The following ITGA5 variants were observed in gnomAD, a reference collection of about 807,000 sequenced individuals.
ITGA5 encodes integrin subunit alpha 5.
Under a neutral mutation model 146.3 loss-of-function variants are expected in ITGA5, and 55 were observed. That is an observed-to-expected ratio of 0.38 (90% CI 0.30 to 0.47). The LOEUF (loss-of-function observed/expected upper bound fraction) is 0.47. Among genes scored for constraint, ITGA5 ranks in the 20% least tolerant of loss-of-function variants. The pLI, the probability that ITGA5 is intolerant of heterozygous loss-of-function variation, is 0.99. For missense variants in ITGA5, 1,131 were observed against 1,329.0 expected (o/e 0.85, Z 2.32); for synonymous variants, 500 against 531.8 (o/e 0.94, Z 0.82).
chr12:54,397,400 G>C lies in ITGA5; in HGVS notation c.3031C>G (p.Leu1011Val). 1 of 1,614,140 alleles carries C rather than the reference G, an allele frequency of 6.2e-7. No individual in the cohort carries two copies. The highest frequency in any genetic ancestry group is 1.1e-5 in the South Asian group (1 of 91,084). The part of the protein sequence containing the change: ...IIILAILFGL[L>V]LLGLLIYILY... ...ATGTAGATGAGTAGACCTAGGAGCA[G>C]GAGGCCAAACAGGATGGCTAGGATG... Residue 1011 changes from leucine (L) to valine (V), a missense_variant, in exon 29 of 30, where the codon CTG becomes GTG. Leu to Val is a conservative substitution (Grantham distance 32, BLOSUM62 1). Transcript: ENST00000293379.
At position 54,403,189 on chromosome 12, in the gene ITGA5, T is replaced by C. The variant is rs138386543; in HGVS notation, c.1912A>G (p.Lys638Glu). Residue 638 changes from lysine (K) to glutamate (E), a missense_variant and splice_region_variant, in exon 18 of 30, where the codon AAG (lysine) becomes GAG (glutamate). Physicochemically the swap from Lys to Glu is moderately conservative, Grantham distance 56. This residue lies in a region of ITGA5 where 889 missense variants were observed against 1,021.5 expected (regional missense o/e 0.87). Transcript: ENST00000293379. This position sits in a 1 kb window ranked among gnomAD's most constrained non-coding sequence, Gnocchi z 4.9. ...CCTTCTCCCTGCCCTGTCCTCACCT[T>C]GTCCTCTATCCGGCTCTTGCTCTGA... ...HYQSKSRIED[K>E]AQILLDCGED... 2.4e-5 allele frequency: 38 copies of C among 1,563,022 alleles called. No individual in the cohort carries two copies. Among genetic ancestry groups the C allele is most frequent in the African/African-American group, 6.9e-5 (5 of 72,896 alleles).
rs1001132557 is a variant in ITGA5, at chr12:54,416,227, G to T, written c.218+2754C>A. Among the ~76,000 whole-genome samples the T allele has an allele frequency of 6.6e-6, 1 of 152,114 alleles. No homozygotes were observed. The highest frequency in any genetic ancestry group is 2.4e-5 in the African/African-American group (1 of 41,410). On this transcript the variant is annotated intron_variant, in intron 1 of 29. Coordinates refer to ENST00000293379, the MANE Select transcript of ITGA5 (RefSeq NM_002205.5). The surrounding 1 kb of genome is among the most constrained non-coding windows in gnomAD (Gnocchi z 4.1). ...TGGGATTACAGGTGCGTGCCAGCAC[G>T]CTCGGCTAATTTTTTTATTTTTAGT...
At chr12:54,398,461 C>T (rs1161161641) in intron 28 of ITGA5, 136 bp downstream of exon 28, 4 of 617,756 alleles carry the variant, frequency 6.5e-6, no homozygotes, top group Non-Finnish European at 1.1e-5. Context: ...TCTCTGGCAT[C>T]TGCACAGTGC....
At position 54,403,990 on chromosome 12, in the gene ITGA5, C is replaced by T; in HGVS notation, c.1566-24G>A. 2.5e-6 allele frequency: 4 copies of T among 1,613,280 alleles called. No homozygotes were observed. The highest frequency in any genetic ancestry group is 3.4e-6 in the Non-Finnish European group (4 of 1,179,256). On this transcript the variant is annotated intron_variant, in intron 15 of 29. Transcript: ENST00000293379. The surrounding 1 kb of genome is among the most constrained non-coding windows in gnomAD (Gnocchi z 4.9). ...TGCTGGAGAGAGACCAAGAAGAAAG[C>T]TGGTGAATCCAACTGGAACAGACAT...
In ITGA5 at chr12:54,401,673, A is replaced by T. The variant is rs770443167; in HGVS notation, c.2307-8T>A. ...GAGTTGTTGAGATTCTTGCTGTGGGATGGAGGCAAGACTGAGGTGCTGGAG... is the reference window on the plus strand; with the variant it reads ...GAGTTGTTGAGATTCTTGCTGTGGGTTGGAGGCAAGACTGAGGTGCTGGAG... On this transcript the variant is annotated splice_polypyrimidine_tract_variant and splice_region_variant and intron_variant, in intron 22 of 29. Coordinates refer to ENST00000293379, the MANE Select transcript of ITGA5 (RefSeq NM_002205.5). This position sits in a 1 kb window ranked among gnomAD's most constrained non-coding sequence, Gnocchi z 5.0. The T allele has an allele frequency of 6.2e-7, 1 of 1,614,070 alleles. No individual in the cohort carries two copies. Among genetic ancestry groups the T allele is most frequent in the South Asian group, 1.1e-5 (1 of 91,076 alleles).
rs1411964671 is a variant in ITGA5, at chr12:54,409,872, T to G, written c.350-275A>C. 3.4e-6 allele frequency: 1 copy of G among 293,670 alleles called. No homozygotes were observed. The highest frequency in any genetic ancestry group is 6.4e-6 in the Non-Finnish European group (1 of 155,372). 18.2% of individuals were successfully genotyped at this position (293,670 alleles called of 1,614,324 possible). A position where few individuals can be genotyped will look rare whatever the true frequency, so the allele number is the denominator to read the frequency against. ...CACAGAACCTGGGCTTTCTTTTTTT[T>G]TTGAGATGGAGTCTCACTCTGTCAC... is the stretch of plus-strand genomic sequence containing the variant. On this transcript the variant is annotated intron_variant, in intron 2 of 29. Coordinates refer to ENST00000293379, the MANE Select transcript of ITGA5 (RefSeq NM_002205.5). The surrounding 1 kb of genome is among the most constrained non-coding windows in gnomAD (Gnocchi z 4.7).
intron 10 of ITGA5, 76 bp from the exon 11 acceptor site, chr12:54,405,792 T>C (rs1592288785): frequency 6.2e-7 from 1 of 1,601,156 alleles, no homozygotes; most frequent in East Asian, 2.2e-5. Flanking sequence ...GCTGGGAAGT[T>C]GGGCTGACAT....
Position 54,404,841 on chromosome 12 carries a change from C to T in ITGA5, c.1279G>A (p.Val427Ile), listed in dbSNP as rs200940770. 3.7e-5 allele frequency: 60 copies of T among 1,611,312 alleles called. No individual in the cohort carries two copies. Among genetic ancestry groups the T allele is most frequent in the East Asian group, 1.3e-4 (6 of 44,860 alleles). Residue 427 changes from valine to isoleucine, a missense_variant, in exon 13 of 30, where the codon GTA becomes ATA. Val to Ile is a conservative substitution (Grantham distance 29, BLOSUM62 3). Around this residue, in one of 3 missense-constraint regions of ITGA5, gnomAD observed 889 missense variants for 1,021.5 expected, o/e 0.87. Transcript: ENST00000293379. ...AGCCCTCCTGGGCCCCCAGGAAATACAAACACTACTCCCTGCTGGGTCTCC... is the reference window on the plus strand; with the variant it reads ...AGCCCTCCTGGGCCCCCAGGAAATATAAACACTACTCCCTGCTGGGTCTCC... ...GGETQQGVVFVFPGGPGGLGS... is the reference protein window; with the variant it reads ...GGETQQGVVFIFPGGPGGLGS...
Position 54,399,684 on chromosome 12 carries a change from C to A in ITGA5, c.2802G>T (p.Leu934=). The A allele has an allele frequency of 6.2e-7, 1 of 1,614,218 alleles. No homozygotes were observed. The highest frequency in any genetic ancestry group is 1.1e-5 in the South Asian group (1 of 91,084). Residue 934 remains leucine, a synonymous_variant, in exon 27 of 30, where the codon CTG becomes CTT. Coordinates refer to ENST00000293379, the MANE Select transcript of ITGA5 (RefSeq NM_002205.5). ...TGGCCCAGACTCGGAAATGCAACTGCAGACTTTGGCTCTCTTGTTGGTGCA... is the reference window on the plus strand; with the variant it reads ...TGGCCCAGACTCGGAAATGCAACTGAAGACTTTGGCTCTCTTGTTGGTGCA... ...GPLHQQESQS[L]QLHFRVWAKT...
chr12:54,406,986 T>C (rs1385810712), intron 9 of ITGA5, among the ~76,000 whole-genome samples: 1 of 152,220 alleles, frequency 6.6e-6, no homozygotes, highest in Non-Finnish European at 1.5e-5. Flanking sequence ...AACTGGGTGA[T>C]CTTAAGCAAC....
rs1213100859 is a variant in ITGA5 at position 54,409,490 on chromosome 12, T to C, written c.457A>G (p.Ile153Val). The C allele has an allele frequency of 4.3e-6, 7 of 1,611,970 alleles. No homozygotes were observed. Among genetic ancestry groups the C allele is most frequent in the Non-Finnish European group, 5.9e-6 (7 of 1,178,122 alleles). Residue 153 changes from isoleucine (I) to valine (V), a missense_variant, in exon 3 of 30, where the codon ATC becomes GTC. Physicochemically the swap from Ile to Val is conservative, Grantham distance 29 (BLOSUM62 3). Transcript: ENST00000293379. This position sits in a 1 kb window ranked among gnomAD's most constrained non-coding sequence, Gnocchi z 4.7. ...TGAGCTTGCTGGCCCCTCACCAAGA[T>C]GGAGGAGCCATGGGCTCGAACTGTT... ...GATVRAHGSS[I>V]LACAPLYSWR...
rs1460269658 is a variant in ITGA5, at chr12:54,405,152, C to G, written c.1225+14G>C. 1 of 1,565,498 alleles carries G rather than the reference C, an allele frequency of 6.4e-7. No individual in the cohort carries two copies. Among genetic ancestry groups the G allele is most frequent in the Admixed American group, 1.8e-5 (1 of 54,780 alleles). ...CCTGCCTCCTCTTTCACTCTCTGAG[C>G]CCATGGTACTCACCATTGTAGCCAT... On this transcript the variant is annotated intron_variant, in intron 12 of 29. Coordinates refer to ENST00000293379, the MANE Select transcript of ITGA5 (RefSeq NM_002205.5).
intron 29 of ITGA5, 27 bp downstream of exon 29, chr12:54,397,338 C>T: frequency 6.2e-7 from 1 of 1,612,984 alleles, no homozygotes; most frequent in Non-Finnish European, 8.5e-7. Context: ...GAGAGGGTGG[C>T]CAAGTCACAA....
intron 7 of ITGA5, 69 bp from the exon 8 acceptor site, chr12:54,407,945 A>G: frequency 6.5e-7 from 1 of 1,528,236 alleles, no homozygotes; most frequent in Non-Finnish European, 8.9e-7. Context: ...CCTATCCACC[A>G]ATCCCTTCCC....
At position 54,409,128 on chromosome 12, in the gene ITGA5, A is replaced by C; in HGVS notation, c.583+104T>G. 6.7e-7 allele frequency: 1 copy of C among 1,503,594 alleles called. No individual in the cohort carries two copies. The highest frequency in any genetic ancestry group is 2.3e-5 in the East Asian group (1 of 44,256). 93.1% of individuals were successfully genotyped at this position (1,503,594 alleles called of 1,614,324 possible). A position where few individuals can be genotyped will look rare whatever the true frequency, so the allele number is the denominator to read the frequency against. On this transcript the variant is annotated intron_variant, in intron 4 of 29. Transcript: ENST00000293379. The surrounding 1 kb of genome is among the most constrained non-coding windows in gnomAD (Gnocchi z 4.7). ...TAGCCTTTATCTTAAGCAACCTAGA[A>C]CCTCATGGGGGCACATGGTAGGTGC...
At position 54,403,488 on chromosome 12, in the gene ITGA5, G is replaced by A; in HGVS notation, c.1776+137C>T. The A allele has an allele frequency of 7.8e-7, 1 of 1,274,034 alleles. No individual in the cohort carries two copies. Among genetic ancestry groups the A allele is most frequent in the Non-Finnish European group, 1.1e-6 (1 of 928,248 alleles). The allele number at this position is 1,274,034 out of a possible 1,614,324, so 78.9% of individuals were successfully genotyped here. ...CTGCTTCCCAGCTCCTCTGACAGAA[G>A]GTCTCCCTTTCTCAGCCCCTACAAG... On this transcript the variant is annotated intron_variant, in intron 17 of 29. Coordinates refer to ENST00000293379, the MANE Select transcript of ITGA5 (RefSeq NM_002205.5). The surrounding 1 kb of genome is among the most constrained non-coding windows in gnomAD (Gnocchi z 4.9).
Position 54,403,955 on chromosome 12 carries a change from C to G in ITGA5, c.1577G>C (p.Ser526Thr), listed in dbSNP as rs770698753. Residue 526 changes from serine to threonine, a missense_variant, in exon 16 of 30, where the codon AGC (serine) becomes ACC (threonine). This residue lies in a region of ITGA5 where 889 missense variants were observed against 1,021.5 expected (regional missense o/e 0.87). Coordinates refer to ENST00000293379, the MANE Select transcript of ITGA5 (RefSeq NM_002205.5). The surrounding 1 kb of genome is among the most constrained non-coding windows in gnomAD (Gnocchi z 4.9). ...TTTTCCAGAAGCATTGAGGCAGAAGCTAAGGTTGATGCTGGAGAGAGACCA... is the reference window on the plus strand; with the variant it reads ...TTTTCCAGAAGCATTGAGGCAGAAGGTAAGGTTGATGCTGGAGAGAGACCA... ...EGNPVACINL[S>T]FCLNASGKHV... 3 of 1,614,082 alleles carry G rather than the reference C, an allele frequency of 1.9e-6. No individual in the cohort carries two copies. The highest frequency in any genetic ancestry group is 4.5e-5 in the East Asian group (2 of 44,902).
intron 1 of ITGA5, chr12:54,412,210 C>A (rs921005624): frequency 3.3e-4 from 127 of 385,652 alleles, no homozygotes; most frequent in Non-Finnish European, 4.5e-4. Context: ...TCCTCTCCTA[C>A]CTTATCCTGT....
chr12:54,404,022 C>T, intron 15 of ITGA5, 56 bp from the exon 16 acceptor site: 1 of 1,594,432 alleles, frequency 6.3e-7, no homozygotes, highest in Non-Finnish European at 8.6e-7. Context: ...ACATCCTATC[C>T]TCTACCTATC....
Sources: allele counts gnomAD v4.1 joint callset (sites outside exome capture counted in the v4.1 genomes callset), GRCh38; gene constraint gnomAD v4.1.1; regional missense constraint gnomAD v4.1.1; non-coding constraint Gnocchi (gnomAD v3.1); transcripts MANE v1.5; gene names NCBI Gene and HGNC (gene_info 2026-07-23, HGNC 2026-07-21).